Variants in DIP2C observed in about 807,000 individuals in gnomAD.
DIP2C encodes disco-interacting protein 2 homolog C.
Under a neutral mutation model 192.4 loss-of-function variants are expected in DIP2C, and 33 were observed. That is an observed-to-expected ratio of 0.17 (90% CI 0.13 to 0.23). The LOEUF is 0.23. Among genes scored for constraint, DIP2C ranks in the 10% least tolerant of loss-of-function variants. DIP2C has a pLI of 1.00. For synonymous variants in DIP2C, 979 were observed against 864.1 expected, an observed-to-expected ratio of 1.13 and a Z score of -2.33; for missense variants, 1,537 against 2,110.1, an observed-to-expected ratio of 0.73 and a Z score of 5.32.
chr10:604,756 AGAC>A (rs1852347042), intron 1 of DIP2C, among the ~76,000 whole-genome samples: 1 of 152,256 alleles, frequency 6.6e-6, no homozygotes, highest in African/African-American at 2.4e-5. Context: ...TAAAGAAAAA[AGAC>A]AAATGTTTAA....
In DIP2C at chr10:371,449, T is replaced by TG. The variant is rs1288316032; in HGVS notation, c.1992-1817dup. Among the ~76,000 whole-genome samples the TG allele has an allele frequency of 2.0e-5, 3 of 152,330 alleles. 1 individual carries two copies. In the East Asian group the frequency reaches 5.8e-4, roughly 29 times the overall value. ...GGGCCATCTTATGACCAGGTTAAGA[T>TG]GAGGTCATACTGGGTTAGAATGGAC... On this transcript the variant is annotated intron_variant, in intron 17 of 36. Coordinates refer to ENST00000280886, the MANE Select transcript of DIP2C (RefSeq NM_014974.3).
chr10:329,326 CTT>C (rs1957399146), intron 30 of DIP2C, 105 bp downstream of exon 30: 8 of 1,234,770 alleles, frequency 6.5e-6, no homozygotes, highest in East Asian at 2.8e-5. Context: ...TAAACCCAGG[CTT>C]TGTTTTGGAG....
chr10:579,497 C>T (rs929678160), intron 1 of DIP2C, among the ~76,000 whole-genome samples: 5 of 150,586 alleles, frequency 3.3e-5, no homozygotes, highest in Non-Finnish European at 5.9e-5. Flanking sequence ...AACATAAGTG[C>T]ACTATGTGTG....
At chr10:502,258 GCACA>G (rs1240880247) in intron 1 of DIP2C, among the ~76,000 whole-genome samples, 1 of 152,126 alleles carries the variant, frequency 6.6e-6, no homozygotes, top group Non-Finnish European at 1.5e-5. Flanking sequence ...ATATTATGAG[GCACA>G]CACAGGAACT....
At chr10:384,778 C>T in intron 14 of DIP2C, 139 bp from the exon 15 acceptor site, 1 of 778,130 alleles carries the variant, frequency 1.3e-6, no homozygotes, top group South Asian at 1.7e-5. Context: ...GCACACAGGC[C>T]CCTGGAGGCT....
chr10:651,023 G>T lies in DIP2C; in HGVS notation c.85+38471C>A, dbSNP rs1031114105. ...TGCCAGGGCTCAGGCCCCAGCCCCC[G>T]TTTCTGCAGAAGCCCCTTTCCATCC... is the stretch of plus-strand genomic sequence containing the variant. On this transcript the variant is annotated intron_variant, in intron 1 of 36. Coordinates refer to ENST00000280886, the MANE Select transcript of DIP2C (RefSeq NM_014974.3). This position sits in a 1 kb window ranked among gnomAD's most constrained non-coding sequence, Gnocchi z 4.1. The T allele has an allele frequency of 1.4e-6, 1 of 717,090 alleles. No individual in the cohort carries two copies. Among genetic ancestry groups the T allele is most frequent in the South Asian group, 1.5e-5 (1 of 67,578 alleles). 44.4% of individuals were successfully genotyped at this position (717,090 alleles called of 1,614,324 possible). A position where few individuals can be genotyped will look rare whatever the true frequency, so the allele number is the denominator to read the frequency against.
chr10:284,030 G>A (rs780256233), intron 34 of DIP2C, among the ~76,000 whole-genome samples: 32 of 152,190 alleles, frequency 2.1e-4, no homozygotes, highest in Admixed American at 1.4e-3. Flanking sequence ...CGTGGGTTAC[G>A]GAGAACCATG....
chr10:307,744 G>A (rs572109318), intron 32 of DIP2C, among the ~76,000 whole-genome samples: 20 of 152,390 alleles, frequency 1.3e-4, no homozygotes, highest in African/African-American at 4.8e-4. Flanking sequence ...GGGCAGCGTG[G>A]TGTCCCACCC....
chr10:555,053 A>G (rs1848772306), intron 1 of DIP2C, among the ~76,000 whole-genome samples: 1 of 152,194 alleles, frequency 6.6e-6, no homozygotes, highest in Non-Finnish European at 1.5e-5. Flanking sequence ...TTTCATTTAA[A>G]AAAAATCATG....
intron 2 of DIP2C, among the ~76,000 whole-genome samples, chr10:477,818 C>CAAGAGAGAAGGAGAAGGGAGA (rs1424734386): frequency 2.5e-5 from 3 of 118,022 alleles, no homozygotes; most frequent in Admixed American, 9.5e-5. Context: ...AGAAGGAAAA[C>CAAGAGAGAAGGAGAAGGGAGA]AAGAGAGAAG....
chr10:281,545 C>T (rs1262739553), intron 35 of DIP2C, among the ~76,000 whole-genome samples: 1 of 152,242 alleles, frequency 6.6e-6, no homozygotes, highest in Non-Finnish European at 1.5e-5. Context: ...AGCCGCCATG[C>T]GCCCTCTACA....
chr10:369,069 G>A (rs1343757427), intron 18 of DIP2C, among the ~76,000 whole-genome samples: 1 of 152,258 alleles, frequency 6.6e-6, no homozygotes, highest in Non-Finnish European at 1.5e-5. Flanking sequence ...CAGGTTTCAT[G>A]GTCACACAAA....
chr10:377,397 A>G (rs1433261440), intron 17 of DIP2C, among the ~76,000 whole-genome samples: 1 of 152,064 alleles, frequency 6.6e-6, no homozygotes, highest in East Asian at 1.9e-4. Flanking sequence ...AACAGAACAC[A>G]CTGTAAAACG....
rs1178384347 is a variant in DIP2C, at chr10:619,258, A to C, written c.85+70236T>G. Reference sequence around the variant, plus strand: ...TACTACTTCTCTATTAAATCACCCCAAACTTAGTGCCCCAAACAACACGAA... The same window carrying C: ...TACTACTTCTCTATTAAATCACCCCCAACTTAGTGCCCCAAACAACACGAA... On this transcript the variant is annotated intron_variant, in intron 1 of 36. Transcript: ENST00000280886. Among the ~76,000 whole-genome samples the C allele has an allele frequency of 2.0e-5, 3 of 152,136 alleles. No homozygotes were observed. The East Asian group carries it at 5.8e-4, about 29-fold the overall frequency.
chr10:375,205 C>G (rs182370351), intron 17 of DIP2C, among the ~76,000 whole-genome samples: 1 of 152,196 alleles, frequency 6.6e-6, no homozygotes, highest in African/African-American at 2.4e-5. Context: ...CGCAGTAACA[C>G]GAGAGTTCTC....
chr10:389,474 T>A (rs1424879403), intron 13 of DIP2C, among the ~76,000 whole-genome samples: 2 of 152,092 alleles, frequency 1.3e-5, no homozygotes, highest in Admixed American at 1.3e-4. Flanking sequence ...ATGCAGAGAC[T>A]CTGACTCAAT....
At chr10:650,888 G>A (rs776835690) in intron 1 of DIP2C, 2 of 717,398 alleles carry the variant, frequency 2.8e-6, no homozygotes, top group East Asian at 2.7e-5. Flanking sequence ...CCTGGGATTC[G>A]TGGGCCTCAC....
chr10:593,022 AATAT>A (rs886951649), intron 1 of DIP2C, among the ~76,000 whole-genome samples: 1 of 152,162 alleles, frequency 6.6e-6, no homozygotes, highest in Non-Finnish European at 1.5e-5. Flanking sequence ...TGGTTTTAAA[AATAT>A]ATATATGGGA....
At chr10:498,265 G>A (rs1844991097) in intron 1 of DIP2C, among the ~76,000 whole-genome samples, 1 of 152,198 alleles carries the variant, frequency 6.6e-6, no homozygotes, top group African/African-American at 2.4e-5. Context: ...GTTTGGCATT[G>A]GTTGTCTCTT....
Sources: gnomAD v4.1 joint callset for allele counts (sites outside exome capture counted in the v4.1 genomes callset) on GRCh38, gnomAD v4.1.1 for gene constraint, Gnocchi (gnomAD v3.1) non-coding constraint, MANE v1.5 for transcripts, NCBI Gene and HGNC (gene_info 2026-07-23, HGNC 2026-07-21) for gene names.